The following CMBL variants were observed in gnomAD, a reference collection of about 807,000 sequenced individuals.
The protein encoded by CMBL is carboxymethylenebutenolidase homolog, also known as carboxymethylenebutenolidase homolog (Pseudomonas).
CMBL carries 17 observed loss-of-function variants against 28.7 expected under a neutral mutation model. That is an observed-to-expected ratio of 0.59 (90% CI 0.41 to 0.89). The LOEUF is 0.89. Ranked by LOEUF, CMBL falls within the 40% of genes least tolerant of loss-of-function variation. The pLI, the probability that CMBL is intolerant of heterozygous loss-of-function variation, is 0.00. For missense variants in CMBL, 310 were observed against 298.5 expected, an observed-to-expected ratio of 1.04 and a Z score of -0.28; for synonymous variants, 106 against 101.6, an observed-to-expected ratio of 1.04 and a Z score of -0.26.
intron 1 of CMBL, among the ~76,000 whole-genome samples, chr5:10,296,195 T>G (rs1746806017): frequency 6.6e-6 from 1 of 152,216 alleles, no homozygotes; most frequent in Non-Finnish European, 1.5e-5. Flanking sequence ...AACCTTGTAT[T>G]TTCCCCAGGA....
At chr5:10,294,199 G>T (rs1482051462) in intron 1 of CMBL, among the ~76,000 whole-genome samples, 1 of 152,204 alleles carries the variant, frequency 6.6e-6, no homozygotes. Context: ...GAGTTTTACT[G>T]GAAGAATTTA....
At chr5:10,304,362 C>G (rs1039050026) in intron 1 of CMBL, among the ~76,000 whole-genome samples, 4 of 152,072 alleles carry the variant, frequency 2.6e-5, no homozygotes, top group Admixed American at 2.0e-4. Flanking sequence ...TGAATGAAAC[C>G]CTGTCTCAAA....
At chr5:10,296,187 C>T (rs1265245768) in intron 1 of CMBL, among the ~76,000 whole-genome samples, 1 of 152,170 alleles carries the variant, frequency 6.6e-6, no homozygotes, top group Non-Finnish European at 1.5e-5. Flanking sequence ...AGGAAGCTAA[C>T]CTTGTATTTT....
chr5:10,291,547 G>A (rs1266511509), intron 1 of CMBL, among the ~76,000 whole-genome samples: 1 of 151,900 alleles, frequency 6.6e-6, no homozygotes. Flanking sequence ...TGTAGTCCCA[G>A]CTACTCGGGA....
In CMBL at chr5:10,277,943, A is replaced by G. The variant is rs59526998; in HGVS notation, c.*2510T>C. ...GGCTACTGGCCACATGCTCACCGAC[A>G]CCGTTCCACGGCAAAAGCCCAGCAC... On this transcript the variant is annotated 3_prime_UTR_variant, in exon 6 of 6. Coordinates refer to ENST00000296658, the MANE Select transcript of CMBL (RefSeq NM_138809.4). Among the ~76,000 whole-genome samples, 1,969 of 152,286 alleles carry G rather than the reference A, an allele frequency of 0.013. 45 individuals carry two copies. The highest frequency in any genetic ancestry group is 0.045 in the African/African-American group (1,856 of 41,550).
rs778186080 is a variant in CMBL, at chr5:10,280,505, T to C, written c.686A>G (p.Tyr229Cys). ...REDCSPADKP[Y>C]IDEARRNLIE... Reference sequence around the variant, plus strand: ...TAAATTCCTTCTGGCCTCGTCAATGTAGGGCTTGTCTGCAGGTGAGCAATC... The same window carrying C: ...TAAATTCCTTCTGGCCTCGTCAATGCAGGGCTTGTCTGCAGGTGAGCAATC... The change falls in exon 6 of 6, where the codon TAC becomes TGC. Residue 229 changes from tyrosine to cysteine, a missense_variant. Transcript: ENST00000296658. 6.2e-7 allele frequency: 1 copy of C among 1,613,664 alleles called. No individual in the cohort carries two copies. The highest frequency in any genetic ancestry group is 2.2e-5 in the East Asian group (1 of 44,878).
At chr5:10,291,332 C>T (rs995745247) in intron 1 of CMBL, among the ~76,000 whole-genome samples, 1 of 152,174 alleles carries the variant, frequency 6.6e-6, no homozygotes, top group African/African-American at 2.4e-5. Flanking sequence ...GCGAAGAAAC[C>T]CATCTCCGTC....
At chr5:10,283,092 GA>G (rs70944000) in intron 4 of CMBL, among the ~76,000 whole-genome samples, 135 of 119,984 alleles carry the variant, frequency 1.1e-3, no homozygotes, top group South Asian at 9.1e-3. Flanking sequence ...CTCCGTCTCA[GA>G]AAAAAAAAAA....
chr5:10,283,546 G>A (rs1375991689), intron 4 of CMBL, among the ~76,000 whole-genome samples: 1 of 152,178 alleles, frequency 6.6e-6, no homozygotes, highest in Non-Finnish European at 1.5e-5. Context: ...GGGAGGCCAA[G>A]GCGGGGTGGA....
At chr5:10,305,554 T>C (rs1746987747) in intron 1 of CMBL, among the ~76,000 whole-genome samples, 1 of 151,816 alleles carries the variant, frequency 6.6e-6, no homozygotes, top group African/African-American at 2.4e-5. Flanking sequence ...GGGATCACTG[T>C]TGAGTGTTTT....
At chr5:10,290,423 G>A in intron 2 of CMBL, 125 bp downstream of exon 2, 1 of 741,982 alleles carries the variant, frequency 1.3e-6, no homozygotes, top group Non-Finnish European at 2.2e-6. Context: ...AGTGAGATAG[G>A]GAAGTTTCTA....
rs1044530075 is a variant in CMBL at position 10,289,037 on chromosome 5, A to G, written c.216-508T>C. On this transcript the variant is annotated intron_variant, in intron 2 of 5. Coordinates refer to ENST00000296658, the MANE Select transcript of CMBL (RefSeq NM_138809.4). The surrounding 1 kb of genome is among the most constrained non-coding windows in gnomAD (Gnocchi z 4.3). ...TCCTATCCAGAGGGTATGTTCTAAG[A>G]CGGGCAGCAGAGCACAAACAAGCCT... is the stretch of plus-strand genomic sequence containing the variant. Among the ~76,000 whole-genome samples, 1 of 152,122 alleles carries G rather than the reference A, an allele frequency of 6.6e-6. No individual in the cohort carries two copies. Among genetic ancestry groups the G allele is most frequent in the African/African-American group, 2.4e-5 (1 of 41,410 alleles).
At position 10,289,095 on chromosome 5, in the gene CMBL, C is replaced by A. The variant is rs1229067657; in HGVS notation, c.216-566G>T. The stretch of plus-strand genomic sequence containing the variant: ...GTCCAGGTCGCTCTTCCATGCAAGT[C>A]AACCCAGAGGGATAGAGCCAGCCGC... On this transcript the variant is annotated intron_variant, in intron 2 of 5. Coordinates refer to ENST00000296658, the MANE Select transcript of CMBL (RefSeq NM_138809.4). The surrounding 1 kb of genome is among the most constrained non-coding windows in gnomAD (Gnocchi z 4.3). 1.3e-5 allele frequency among the ~76,000 whole-genome samples: 2 copies of A among 152,196 alleles called. No homozygotes were observed. The highest frequency in any genetic ancestry group is 4.8e-5 in the African/African-American group (2 of 41,454).
chr5:10,293,269 C>T (rs1746757166), intron 1 of CMBL, among the ~76,000 whole-genome samples: 1 of 152,198 alleles, frequency 6.6e-6, no homozygotes, highest in South Asian at 2.1e-4. Context: ...AACTGGGTAG[C>T]TCATAAATGC....
At chr5:10,295,680 T>A (rs145631115) in intron 1 of CMBL, among the ~76,000 whole-genome samples, 35 of 152,316 alleles carry the variant, frequency 2.3e-4, no homozygotes, top group African/African-American at 8.4e-4. Flanking sequence ...AGCCAGAAGA[T>A]GACCATCTGC....
Position 10,280,232 on chromosome 5 carries a change from C to A in CMBL, c.*221G>T, listed in dbSNP as rs978350226. On this transcript the variant is annotated 3_prime_UTR_variant, in exon 6 of 6. Coordinates refer to ENST00000296658, the MANE Select transcript of CMBL (RefSeq NM_138809.4). ...GGAATTACAGGCATGAGGCACTACA[C>A]CTGGTCAGACCTTGTTTTTAAATTA... The A allele has an allele frequency of 1.2e-5, 5 of 412,162 alleles. No homozygotes were observed. The Admixed American group carries it at 1.9e-4, about 16-fold the overall frequency. The allele number at this position is 412,162 out of a possible 1,614,324, so 25.5% of individuals were successfully genotyped here.
At chr5:10,283,048 C>T (rs1746526057) in intron 4 of CMBL, among the ~76,000 whole-genome samples, 1 of 148,198 alleles carries the variant, frequency 6.7e-6, no homozygotes, top group Non-Finnish European at 1.5e-5. Flanking sequence ...CAAGATCATG[C>T]CATTGCACTC....
intron 4 of CMBL, among the ~76,000 whole-genome samples, chr5:10,284,876 AG>A (rs1220298741): frequency 6.6e-6 from 1 of 152,218 alleles, no homozygotes; most frequent in African/African-American, 2.4e-5. Context: ...TTTAGCAAGC[AG>A]TTTCTATATA....
rs1164251159 is a variant in CMBL, at chr5:10,289,483, G to A, written c.216-954C>T. On this transcript the variant is annotated intron_variant, in intron 2 of 5. Coordinates refer to ENST00000296658, the MANE Select transcript of CMBL (RefSeq NM_138809.4). This position sits in a 1 kb window ranked among gnomAD's most constrained non-coding sequence, Gnocchi z 4.3. ...AGCAATGCCATTTGATCGGCTGCTT[G>A]GGCCAGTGATCTGGGGCAGCCGCAA... 6.6e-6 allele frequency among the ~76,000 whole-genome samples: 1 copy of A among 152,174 alleles called. No homozygotes were observed. The highest frequency in any genetic ancestry group is 1.5e-5 in the Non-Finnish European group (1 of 68,026).
Sources: allele counts gnomAD v4.1 joint callset (sites outside exome capture counted in the v4.1 genomes callset), GRCh38; gene constraint gnomAD v4.1.1; non-coding constraint Gnocchi (gnomAD v3.1); transcripts MANE v1.5; gene names NCBI Gene and HGNC (gene_info 2026-07-23, HGNC 2026-07-21).